PCDH9: variants seen among roughly 807,000 people sequenced by gnomAD.
PCDH9 encodes protocadherin 9.
PCDH9 carries 24 observed loss-of-function variants against 70.6 expected under a neutral mutation model. The observed-to-expected ratio is 0.34, with a 90% CI of 0.25 to 0.48. The LOEUF (loss-of-function observed/expected upper bound fraction) is 0.48, where lower values mean the gene tolerates loss of function less well. PCDH9 is among the 20% of genes least tolerant of loss of function. PCDH9 has a pLI of 0.99. For synonymous variants in PCDH9, 562 were observed against 558.5 expected (o/e 1.01, Z -0.09); for missense variants, 1,281 against 1,503.6 (o/e 0.85, Z 2.45).
chr13:66,996,970 G>A (rs769509195), intron 2 of PCDH9, among the ~76,000 whole-genome samples: 1 of 152,148 alleles, frequency 6.6e-6, no homozygotes, highest in Non-Finnish European at 1.5e-5. Context: ...GGTTAAGTTT[G>A]ATTAGATATG....
intron 2 of PCDH9, among the ~76,000 whole-genome samples, chr13:67,047,923 T>C (rs1211539605): frequency 1.3e-5 from 2 of 152,188 alleles, no homozygotes; most frequent in Non-Finnish European, 2.9e-5. Context: ...TACAGTGCAA[T>C]TTATGAACCG....
chr13:67,130,570 G>C (rs1165353053), intron 2 of PCDH9, among the ~76,000 whole-genome samples: 2 of 151,998 alleles, frequency 1.3e-5, no homozygotes, highest in African/African-American at 4.8e-5. Context: ...CTGACCACAG[G>C]GTGGACAAAG....
At chr13:67,210,731 T>A (rs1186505737) in intron 2 of PCDH9, 1 of 152,040 alleles carries the variant, frequency 6.6e-6, no homozygotes, top group Non-Finnish European at 1.5e-5. Context: ...TGAATAGACA[T>A]TATTGTAGCC....
chr13:66,526,525 CTCTCTCTGTCTCTG>C lies in PCDH9; in HGVS notation c.3340+104671_3340+104684del, dbSNP rs1435969784. ...CTTTGAAATCTCTCTCTCTCTCTCT[CTCTCTCTGTCTCTG>C]TCTCTCTCTGGAGTGCATAGCTTCA... On this transcript the variant is annotated intron_variant, in intron 4 of 4. Coordinates refer to ENST00000377865, the MANE Select transcript of PCDH9 (RefSeq NM_203487.3). Among the ~76,000 whole-genome samples the C allele has an allele frequency of 2.6e-5, 4 of 151,786 alleles. No individual in the cohort carries two copies. The East Asian group carries it at 7.8e-4, about 30-fold the overall frequency.
chr13:66,971,129 C>T (rs1207877568), intron 2 of PCDH9, among the ~76,000 whole-genome samples: 2 of 151,996 alleles, frequency 1.3e-5, no homozygotes, highest in African/African-American at 2.4e-5. Flanking sequence ...TTTTAAATGG[C>T]AGTATAATAC....
intron 3 of PCDH9, among the ~76,000 whole-genome samples, chr13:66,640,211 T>C (rs1283458655): frequency 6.6e-6 from 1 of 152,188 alleles, no homozygotes; most frequent in African/African-American, 2.4e-5. Flanking sequence ...TTACTTTGGA[T>C]AACAAAGTAT....
chr13:66,314,267 G>C (rs1463134044), intron 4 of PCDH9, among the ~76,000 whole-genome samples: 1 of 152,120 alleles, frequency 6.6e-6, no homozygotes. Flanking sequence ...ACGTTTTCAG[G>C]CTTCATCTTG....
chr13:66,616,114 C>A (rs2077352482), intron 4 of PCDH9, among the ~76,000 whole-genome samples: 1 of 152,162 alleles, frequency 6.6e-6, no homozygotes, highest in Non-Finnish European at 1.5e-5. Context: ...GGGTTCCTGA[C>A]CTGTGGTCAG....
intron 2 of PCDH9, among the ~76,000 whole-genome samples, chr13:67,085,139 A>G (rs961665661): frequency 2.7e-5 from 4 of 150,742 alleles, no homozygotes; most frequent in African/African-American, 4.9e-5. Context: ...TTCATTCTCT[A>G]TGTTTTCCTT....
intron 4 of PCDH9, among the ~76,000 whole-genome samples, chr13:66,418,297 G>T (rs1957497507): frequency 6.6e-6 from 1 of 152,158 alleles, no homozygotes; most frequent in African/African-American, 2.4e-5. Context: ...GGTCAGGTTT[G>T]TCAAAGATCA....
At chr13:66,940,064 C>T (rs895822499) in intron 2 of PCDH9, among the ~76,000 whole-genome samples, 2 of 151,944 alleles carry the variant, frequency 1.3e-5, no homozygotes, top group African/African-American at 2.4e-5. Context: ...AATAAGAATG[C>T]TTGTAAGGAA....
At chr13:66,911,725 G>T (rs537362646) in intron 2 of PCDH9, among the ~76,000 whole-genome samples, 4 of 152,202 alleles carry the variant, frequency 2.6e-5, no homozygotes, top group Non-Finnish European at 5.9e-5. Context: ...TTAAATTACA[G>T]GATTACATGT....
intron 2 of PCDH9, among the ~76,000 whole-genome samples, chr13:67,101,123 C>G (rs1043496382): frequency 6.6e-6 from 1 of 152,180 alleles, no homozygotes; most frequent in African/African-American, 2.4e-5. Flanking sequence ...TACCCTCTGC[C>G]ACTGCCATCA....
intron 2 of PCDH9, among the ~76,000 whole-genome samples, chr13:67,063,075 AC>A (rs2085570334): frequency 1.3e-5 from 2 of 152,184 alleles, no homozygotes; most frequent in Admixed American, 1.3e-4. Flanking sequence ...TTTAAAGCAA[AC>A]AAGGTGTATT....
intron 4 of PCDH9, among the ~76,000 whole-genome samples, chr13:66,578,985 G>T (rs1199407147): frequency 5.3e-5 from 8 of 152,028 alleles, no homozygotes; most frequent in Admixed American, 5.2e-4. Context: ...GACCCTATTG[G>T]AGACACACAA....
chr13:66,440,057 A>G (rs1245833527), intron 4 of PCDH9, among the ~76,000 whole-genome samples: 2 of 152,182 alleles, frequency 1.3e-5, no homozygotes, highest in East Asian at 3.8e-4. Flanking sequence ...TATCAAGAGT[A>G]AAAACAATAA....
intron 4 of PCDH9, among the ~76,000 whole-genome samples, chr13:66,483,041 T>C (rs1958869203): frequency 6.6e-6 from 1 of 152,222 alleles, no homozygotes; most frequent in Non-Finnish European, 1.5e-5. Flanking sequence ...GAGTTTTTGC[T>C]ACTGGGAAGA....
At chr13:66,868,069 C>T (rs1381824098) in intron 3 of PCDH9, among the ~76,000 whole-genome samples, 1 of 151,880 alleles carries the variant, frequency 6.6e-6, no homozygotes. Flanking sequence ...GTTTCCTAGA[C>T]TGATTTACTG....
Position 66,304,558 on chromosome 13 carries a change from G to A in PCDH9, c.*97C>T. The A allele has an allele frequency of 2.2e-6, 2 of 921,788 alleles. No individual in the cohort carries two copies. The highest frequency in any genetic ancestry group is 3.4e-6 in the Non-Finnish European group (2 of 592,524). 57.1% of individuals were successfully genotyped at this position (921,788 alleles called of 1,614,324 possible). On this transcript the variant is annotated 3_prime_UTR_variant, in exon 5 of 5. Transcript: ENST00000377865. ...AAAGTTATAGGTATCCCTGCTAGAA[G>A]GGGCATAGTTGTAGAGATCTATTGA...
Sources: gnomAD v4.1 joint callset for allele counts (sites outside exome capture counted in the v4.1 genomes callset) on GRCh38, gnomAD v4.1.1 for gene constraint, MANE v1.5 for transcripts, NCBI Gene and HGNC (gene_info 2026-07-23, HGNC 2026-07-21) for gene names.